Variants in HYDIN observed in about 807,000 individuals in gnomAD.
The protein encoded by HYDIN is HYDIN axonemal central pair apparatus protein.
In HYDIN, 132 loss-of-function variants were observed where a neutral mutation model predicts 403.9. The observed-to-expected ratio is 0.33, with a 90% CI of 0.28 to 0.38. HYDIN has a LOEUF of 0.38. Ranked by LOEUF, HYDIN falls within the 10% of genes least tolerant of loss-of-function variation. The pLI, the probability that HYDIN is intolerant of heterozygous loss-of-function variation, is 1.00. For synonymous variants in HYDIN, 1,202 were observed against 1,891.7 expected, an observed-to-expected ratio of 0.64 and a Z score of 9.46; for missense variants, 2,827 against 5,009.5, an observed-to-expected ratio of 0.56 and a Z score of 13.15.
intron 4 of HYDIN, among the ~76,000 whole-genome samples, chr16:71,176,249 G>A (rs1002335576): frequency 6.6e-6 from 1 of 150,604 alleles, no homozygotes; most frequent in African/African-American, 2.5e-5. Context: ...AGGTTCCAGT[G>A]AGCCGAGATC....
At chr16:71,133,707 T>C (rs1257951509) in intron 8 of HYDIN, among the ~76,000 whole-genome samples, 2 of 152,116 alleles carry the variant, frequency 1.3e-5, no homozygotes, top group Non-Finnish European at 2.9e-5. Context: ...AGTCTCTGAA[T>C]ACAGTGAACG....
At chr16:71,224,648 G>A (rs868168643) in intron 1 of HYDIN, among the ~76,000 whole-genome samples, 86 of 138,818 alleles carry the variant, frequency 6.2e-4, no homozygotes, top group Admixed American at 1.2e-3. Context: ...TGCAAGCTCC[G>A]CCTCCCGGGT....
chr16:70,872,156 A>G lies in HYDIN; in HGVS notation c.10972T>C (p.Phe3658Leu), dbSNP rs1438059999. ...VAAALVDHIQ[F>L]GDCHIGHSYN... ...CTGTGTCCAATGTGGCAGTCCCCAAATTGGATGTGGTCCACCAGAGCAGCT... is the reference window on the plus strand; with the variant it reads ...CTGTGTCCAATGTGGCAGTCCCCAAGTTGGATGTGGTCCACCAGAGCAGCT... The change falls in exon 65 of 86, where the codon TTT becomes CTT. Residue 3658 changes from phenylalanine to leucine, a missense_variant. Coordinates refer to ENST00000393567, the MANE Select transcript of HYDIN (RefSeq NM_001270974.2). 1 of 1,507,590 alleles carries G rather than the reference A, an allele frequency of 6.6e-7. No individual in the cohort carries two copies. The highest frequency in any genetic ancestry group is 9.0e-7 in the Non-Finnish European group (1 of 1,111,836). 93.4% of individuals were successfully genotyped at this position (1,507,590 alleles called of 1,614,324 possible). A position where few individuals can be genotyped will look rare whatever the true frequency, so the allele number is the denominator to read the frequency against.
chr16:71,203,413 T>C (rs1277283013), intron 1 of HYDIN, among the ~76,000 whole-genome samples: 1 of 152,234 alleles, frequency 6.6e-6, no homozygotes, highest in African/African-American at 2.4e-5. Flanking sequence ...CTAAAATTTA[T>C]TCCTGGAGTT....
In HYDIN at chr16:70,985,214, G is replaced by A; in HGVS notation, c.4303C>T (p.Pro1435Ser). Residue 1435 changes from proline to serine, a missense_variant, in exon 28 of 86, where the codon CCT becomes TCT. Transcript: ENST00000393567. ...DHQSSPDNLL[P>S]GVPLILPVSG... ...ACAGGCAGGATTAGTGGCACTCCAG[G>A]GAGAAGGTTGTCTGGAGAAGACTGG... 6.2e-7 allele frequency: 1 copy of A among 1,606,206 alleles called. No individual in the cohort carries two copies. The highest frequency in any genetic ancestry group is 1.3e-5 in the African/African-American group (1 of 74,754).
intron 37 of HYDIN, among the ~76,000 whole-genome samples, chr16:70,963,959 A>T (rs2078494213): frequency 7.2e-6 from 1 of 138,310 alleles, no homozygotes; most frequent in African/African-American, 3.0e-5. Flanking sequence ...AATTACGTGT[A>T]TGACTGTTAC....
At chr16:70,842,254 T>A (rs2037878203) in intron 75 of HYDIN, among the ~76,000 whole-genome samples, 1 of 152,138 alleles carries the variant, frequency 6.6e-6, no homozygotes, top group Non-Finnish European at 1.5e-5. Flanking sequence ...TGACCTTCTG[T>A]CTAGTTATAT....
chr16:70,994,315 G>A (rs1022212), intron 23 of HYDIN, among the ~76,000 whole-genome samples: 884 of 142,672 alleles, frequency 6.2e-3, no homozygotes, highest in African/African-American at 0.022. Flanking sequence ...GGATGGATGG[G>A]TGTGTGGAAT....
chr16:71,068,829 A>C (rs1366338599), intron 14 of HYDIN, among the ~76,000 whole-genome samples: 7 of 152,238 alleles, frequency 4.6e-5, no homozygotes, highest in Admixed American at 4.6e-4. Flanking sequence ...CCATGAATGA[A>C]GCCTGGATTC....
chr16:71,003,315 T>A (rs1223442235), intron 23 of HYDIN, among the ~76,000 whole-genome samples: 2 of 152,212 alleles, frequency 1.3e-5, no homozygotes, highest in Admixed American at 1.3e-4. Context: ...AAAAATGACA[T>A]CTTTACTGAA....
At chr16:71,178,799 T>C (rs1425287529) in intron 4 of HYDIN, 129 bp downstream of exon 4, 2 of 778,946 alleles carry the variant, frequency 2.6e-6, no homozygotes, top group Non-Finnish European at 4.1e-6. Context: ...TCAAAGAAGA[T>C]GTTTTCATAC....
In HYDIN at chr16:71,175,662, A is replaced by C; in HGVS notation, c.461T>G (p.Val154Gly). ...VISPKDIGHKVAPGVPSIFRI... is the reference protein window; with the variant it reads ...VISPKDIGHKGAPGVPSIFRI... ...GAATATGGAAGGCACTCCAGGAGCC[A>C]CTTTGTGGCCAATATCTTTGGGGCT... Residue 154 changes from valine to glycine, a missense_variant, in exon 5 of 86, where the codon GTG becomes GGG. Physicochemically the swap from Val to Gly is moderately radical, Grantham distance 109. Coordinates refer to ENST00000393567, the MANE Select transcript of HYDIN (RefSeq NM_001270974.2). 1 of 1,614,122 alleles carries C rather than the reference A, an allele frequency of 6.2e-7. No homozygotes were observed. Among genetic ancestry groups the C allele is most frequent in the Non-Finnish European group, 8.5e-7 (1 of 1,179,914 alleles).
chr16:71,133,489 A>G (rs2084794923), intron 8 of HYDIN, among the ~76,000 whole-genome samples: 1 of 152,248 alleles, frequency 6.6e-6, no homozygotes, highest in South Asian at 2.1e-4. Context: ...TCAAAGCCCA[A>G]TTAAAACTGA....
intron 83 of HYDIN, among the ~76,000 whole-genome samples, chr16:70,819,911 C>G: frequency 6.6e-6 from 1 of 151,090 alleles, no homozygotes; most frequent in East Asian, 1.9e-4. Context: ...GGGTTCACGC[C>G]ATTCTCCTGC....
chr16:70,915,279 G>A (rs1248981467), intron 47 of HYDIN, among the ~76,000 whole-genome samples: 1 of 152,166 alleles, frequency 6.6e-6, no homozygotes, highest in African/African-American at 2.4e-5. Context: ...TCTGTCAGAG[G>A]GAAAGTCTAT....
chr16:71,223,797 A>C (rs2144766298), intron 1 of HYDIN, among the ~76,000 whole-genome samples: 1 of 152,300 alleles, frequency 6.6e-6, no homozygotes, highest in African/African-American at 2.4e-5. Context: ...CTCTTGCAAG[A>C]ATGGCCATAA....
chr16:71,152,303 TATC>T, intron 7 of HYDIN, among the ~76,000 whole-genome samples: 1 of 152,246 alleles, frequency 6.6e-6, no homozygotes. Flanking sequence ...TATTCAGCTT[TATC>T]ATATTTCCCA....
chr16:71,154,204 T>C (rs1232801143), intron 6 of HYDIN, among the ~76,000 whole-genome samples: 2 of 150,330 alleles, frequency 1.3e-5, no homozygotes, highest in Non-Finnish European at 3.0e-5. Flanking sequence ...CTGTGAGCAA[T>C]TGGTTATTTT....
chr16:70,995,290 T>C (rs954219296), intron 23 of HYDIN, among the ~76,000 whole-genome samples: 15 of 152,108 alleles, frequency 9.9e-5, no homozygotes, highest in Non-Finnish European at 1.6e-4. Flanking sequence ...AGGAGTAGAT[T>C]CAGTTATTTT....
Sources: allele counts gnomAD v4.1 joint callset (sites outside exome capture counted in the v4.1 genomes callset), GRCh38; gene constraint gnomAD v4.1.1; transcripts MANE v1.5; gene names NCBI Gene and HGNC (gene_info 2026-07-23, HGNC 2026-07-21).